The following GABRA2 variants were observed in gnomAD, a reference collection of about 807,000 sequenced individuals.
The protein encoded by GABRA2 is gamma-aminobutyric acid receptor subunit alpha-2.
GABRA2 carries 16 observed loss-of-function variants against 48.7 expected under a neutral mutation model. That is an observed-to-expected ratio of 0.33 (90% CI 0.22 to 0.50). GABRA2 has a LOEUF of 0.50. GABRA2 is among the 20% of genes least tolerant of loss of function. The probability of loss-of-function intolerance (pLI) is 0.98; values close to 1 mark genes in which losing one functional copy is unlikely to be tolerated. For synonymous variants in GABRA2, 185 were observed against 184.5 expected, an observed-to-expected ratio of 1.00 and a Z score of -0.02; for missense variants, 275 against 535.6, an observed-to-expected ratio of 0.51 and a Z score of 4.80.
chr4:46,307,822 G>T (rs1185550960), intron 6 of GABRA2, among the ~76,000 whole-genome samples: 1 of 152,158 alleles, frequency 6.6e-6, no homozygotes, highest in Non-Finnish European at 1.5e-5. Context: ...ATATAGTTTT[G>T]AGATTTTGTG....
chr4:46,276,727 G>A (rs76228172), intron 8 of GABRA2, among the ~76,000 whole-genome samples: 2,567 of 152,094 alleles, frequency 0.017, 83 homozygotes, highest in African/African-American at 0.059. Context: ...TGATAATAGA[G>A]TAGGATTTTA....
At chr4:46,325,668 G>T (rs1379075075) in intron 4 of GABRA2, among the ~76,000 whole-genome samples, 2 of 151,894 alleles carry the variant, frequency 1.3e-5, no homozygotes, top group African/African-American at 4.8e-5. Context: ...GGTTCAGAAT[G>T]GCATTTCCTA....
At chr4:46,255,779 T>C (rs1715691040) in intron 9 of GABRA2, among the ~76,000 whole-genome samples, 1 of 151,604 alleles carries the variant, frequency 6.6e-6, no homozygotes, top group Non-Finnish European at 1.5e-5. Flanking sequence ...AATTAAAATG[T>C]CTTACACCAT....
rs527360867 is a variant in GABRA2, at chr4:46,295,549, A to G, written c.856+7911T>C. The stretch of plus-strand genomic sequence containing the variant: ...GCCTCTTTCCTCAGCCACCCCTGTC[A>G]TTGCCCAATGGGTCCATGGACAATG... On this transcript the variant is annotated intron_variant, in intron 8 of 9. Transcript: ENST00000381620. Among the ~76,000 whole-genome samples, 4 of 152,288 alleles carry G rather than the reference A, an allele frequency of 2.6e-5. No individual in the cohort carries two copies. The South Asian group carries it at 8.3e-4, about 32-fold the overall frequency.
At chr4:46,305,747 A>T (rs1359949898) in intron 6 of GABRA2, 36 bp from the exon 7 acceptor site, 1 of 1,492,438 alleles carries the variant, frequency 6.7e-7, no homozygotes, top group Admixed American at 1.7e-5. Context: ...TAAGCATTTT[A>T]GTAAGAACCA....
chr4:46,302,933 T>C lies in GABRA2; in HGVS notation c.856+527A>G, dbSNP rs144013516. On this transcript the variant is annotated intron_variant, in intron 8 of 9. Coordinates refer to ENST00000381620, the MANE Select transcript of GABRA2 (RefSeq NM_000807.4). ...TCTCCTCCTAAAGACTTTTATAAAC[T>C]TTCCCCCAACTTTCTTCCTTCAGCC... Among the ~76,000 whole-genome samples the C allele has an allele frequency of 7.5e-3, 1,145 of 152,254 alleles. 14 individuals carry two copies. Among genetic ancestry groups the C allele is most frequent in the African/African-American group, 0.026 (1,076 of 41,556 alleles).
At chr4:46,299,828 T>C (rs1359820537) in intron 8 of GABRA2, among the ~76,000 whole-genome samples, 1 of 151,824 alleles carries the variant, frequency 6.6e-6, no homozygotes, top group Non-Finnish European at 1.5e-5. Flanking sequence ...CAGCAGTATA[T>C]GTAGTTTAAT....
At chr4:46,348,229 C>G (rs1215156598) in intron 3 of GABRA2, among the ~76,000 whole-genome samples, 1 of 151,980 alleles carries the variant, frequency 6.6e-6, no homozygotes, top group Non-Finnish European at 1.5e-5. Flanking sequence ...AATGAGATAC[C>G]ATCTCACACC....
At chr4:46,295,141 C>A (rs1724398923) in intron 8 of GABRA2, among the ~76,000 whole-genome samples, 2 of 152,222 alleles carry the variant, frequency 1.3e-5, no homozygotes, top group Admixed American at 6.5e-5. Flanking sequence ...TAAAAGTGGA[C>A]AGCTGCAGCA....
chr4:46,272,557 C>T (rs1719543333), intron 8 of GABRA2, among the ~76,000 whole-genome samples: 1 of 151,906 alleles, frequency 6.6e-6, no homozygotes. Context: ...AACAACCCAA[C>T]CTCACAACTG....
intron 8 of GABRA2, among the ~76,000 whole-genome samples, chr4:46,276,214 T>C (rs1271244362): frequency 6.6e-6 from 1 of 152,106 alleles, no homozygotes; most frequent in Non-Finnish European, 1.5e-5. Flanking sequence ...GAGTACGTTA[T>C]GGAGAAATGG....
At chr4:46,290,891 T>C (rs576444078) in intron 8 of GABRA2, among the ~76,000 whole-genome samples, 3 of 152,304 alleles carry the variant, frequency 2.0e-5, no homozygotes, top group South Asian at 2.1e-4. Flanking sequence ...TGGTATAGTA[T>C]ATTGATTGCC....
intron 4 of GABRA2, among the ~76,000 whole-genome samples, chr4:46,313,321 A>G (rs920396181): frequency 6.6e-5 from 10 of 151,906 alleles, no homozygotes; most frequent in African/African-American, 2.4e-4. Context: ...TTATTTTTTA[A>G]TCCTAAAAAA....
chr4:46,362,318 G>T (rs374680622), intron 3 of GABRA2, among the ~76,000 whole-genome samples: 5 of 152,216 alleles, frequency 3.3e-5, no homozygotes, highest in African/African-American at 1.2e-4. Context: ...CTCTCTCTCT[G>T]CCTGCTGCCA....
intron 8 of GABRA2, 128 bp downstream of exon 8, chr4:46,303,332 T>A (rs1366946783): frequency 1.2e-6 from 1 of 858,054 alleles, no homozygotes; most frequent in East Asian, 2.6e-5. Context: ...TCTTCACCTA[T>A]AAGGCAAAAA....
At chr4:46,264,986 C>CATACATATATATATATATAT (rs1717799498) in intron 8 of GABRA2, among the ~76,000 whole-genome samples, 1 of 107,470 alleles carries the variant, frequency 9.3e-6, no homozygotes, top group African/African-American at 3.1e-5. Context: ...TTACTTTATA[C>CATACATATATATATATATAT]ATATATATAT....
chr4:46,316,325 T>G (rs535172440), intron 4 of GABRA2, among the ~76,000 whole-genome samples: 159 of 152,124 alleles, frequency 1.0e-3, no homozygotes, highest in African/African-American at 3.7e-3. Context: ...TTAGAATTTG[T>G]GGGCCATATG....
At chr4:46,389,666 T>C in intron 1 of GABRA2, 69 bp downstream of exon 1, 10 of 874,120 alleles carry the variant, frequency 1.1e-5, no homozygotes, top group Non-Finnish European at 1.2e-5. Flanking sequence ...TGGGGGGAGA[T>C]GAGGCATGCA....
In GABRA2 at chr4:46,259,695, G is replaced by A. The variant is rs545889270; in HGVS notation, c.1059+2231C>T. On this transcript the variant is annotated intron_variant, in intron 9 of 9. Transcript: ENST00000381620. ...TTGCTCGTTGGATTGACAGATAACC[G>A]CATTTGCTCATGTTTACTAATGTCA... Among the ~76,000 whole-genome samples the A allele has an allele frequency of 8.6e-5, 13 of 151,828 alleles. No homozygotes were observed. In the South Asian group the frequency reaches 2.1e-3, roughly 24 times the overall value.
Sources: allele counts gnomAD v4.1 joint callset (sites outside exome capture counted in the v4.1 genomes callset), GRCh38; gene constraint gnomAD v4.1.1; transcripts MANE v1.5; gene names NCBI Gene and HGNC (gene_info 2026-07-23, HGNC 2026-07-21).